TMEM81: variants seen among roughly 807,000 people sequenced by gnomAD.
TMEM81 encodes transmembrane protein 81.
For missense variants in TMEM81, 294 were observed against 300.5 expected (o/e 0.98, Z 0.16); for synonymous variants, 132 against 119.1 (o/e 1.11, Z -0.71).
rs371554541 is a variant in TMEM81 at position 205,083,926 on chromosome 1, T to C, written c.395A>G (p.Asp132Gly). 1.2e-6 allele frequency: 2 copies of C among 1,614,104 alleles called. No individual in the cohort carries two copies. The highest frequency in any genetic ancestry group is 2.7e-5 in the African/African-American group (2 of 74,910). The change falls in exon 1 of 1, where the codon GAT becomes GGT. Residue 132 changes from aspartate to glycine, a missense_variant. By Grantham distance (94) the Asp-to-Gly change is moderately conservative (BLOSUM62 -1). Coordinates refer to ENST00000367167, the MANE Select transcript of TMEM81 (RefSeq NM_203376.2). ...RLARGVISTDDEVFKPFQANS... is the reference protein window; with the variant it reads ...RLARGVISTDGEVFKPFQANS... ...GGCTTGAAAGGGTTTGAAGACCTCA[T>C]CGTCAGTGGAGATGACACCTCGAGC...
Position 205,084,084 on chromosome 1 carries a change from T to G in TMEM81, c.237A>C (p.Leu79Phe). The G allele has an allele frequency of 6.2e-7, 1 of 1,614,240 alleles. No homozygotes were observed. The highest frequency in any genetic ancestry group is 8.5e-7 in the Non-Finnish European group (1 of 1,180,038). The stretch of plus-strand genomic sequence containing the variant: ...CACAGATCCAGTTGGTCAGACATTC[T>G]AAGCGCCGAGTCTGACATTTCCTTC... ...GVRRKCQTRR[L>F]ECLTNWICGM... The change falls in exon 1 of 1, where the codon TTA becomes TTC. Residue 79 changes from leucine to phenylalanine, a missense_variant. Leu to Phe is a conservative substitution (Grantham distance 22). Transcript: ENST00000367167.
rs143504103 is a variant in TMEM81 at position 205,084,115 on chromosome 1, C to G, written c.206G>C (p.Gly69Ala). Reference protein sequence around the residue: ...EETVCEVGPDGVRRKCQTRRL... With the variant: ...EETVCEVGPDAVRRKCQTRRL... ...CCGAGTCTGACATTTCCTTCTCACT[C>G]CATCAGGGCCCACCTCACAGACGGT... The change falls in exon 1 of 1, where the codon GGA (glycine) becomes GCA (alanine). Residue 69 changes from glycine (G) to alanine (A), a missense_variant. Transcript: ENST00000367167. 8.7e-6 allele frequency: 14 copies of G among 1,614,072 alleles called. No individual in the cohort carries two copies. Among genetic ancestry groups the G allele is most frequent in the Non-Finnish European group, 1.2e-5 (14 of 1,180,050 alleles).
chr1:205,083,645 A>G lies in TMEM81; in HGVS notation c.676T>C (p.Ser226Pro). The change falls in exon 1 of 1, where the codon TCA becomes CCA. Residue 226 changes from serine (S) to proline (P), a missense_variant. Transcript: ENST00000367167. ...ATGGCAATTCCTATTCCCAAGGCTG[A>G]CGCCACCTTCTTTTTCCACTTTGGG... is the stretch of plus-strand genomic sequence containing the variant. ...HHPKWKKKVA[S>P]ALGIGIAIGV... 1.2e-6 allele frequency: 2 copies of G among 1,614,212 alleles called. No homozygotes were observed. Among genetic ancestry groups the G allele is most frequent in the East Asian group, 2.2e-5 (1 of 44,876 alleles).
Position 205,083,761 on chromosome 1 carries a change from T to A in TMEM81, c.560A>T (p.Asn187Ile). ...GLRVLPPNLV[N>I]LNFHQSLTED... The stretch of plus-strand genomic sequence containing the variant: ...AGTAAGTGACTGATGGAAATTCAGA[T>A]TCACCAAGTTAGGAGGAAGGACCCT... Residue 187 changes from asparagine (N) to isoleucine (I), a missense_variant, in exon 1 of 1, where the codon AAT becomes ATT. Transcript: ENST00000367167. 6.2e-7 allele frequency: 1 copy of A among 1,614,154 alleles called. No individual in the cohort carries two copies.
In TMEM81 at chr1:205,083,402, C is replaced by T; in HGVS notation, c.*151G>A. On this transcript the variant is annotated 3_prime_UTR_variant, in exon 1 of 1. Transcript: ENST00000367167. ...TGCGCATAGCTCCCAGGAGATTGTC[C>T]CCTCCATTTCTCCCACTCATTCTTT... 1 of 822,130 alleles carries T rather than the reference C, an allele frequency of 1.2e-6. No individual in the cohort carries two copies. Among genetic ancestry groups the T allele is most frequent in the Non-Finnish European group, 1.9e-6 (1 of 539,242 alleles). 50.9% of individuals were successfully genotyped at this position (822,130 alleles called of 1,614,324 possible).
At position 205,083,243 on chromosome 1, in the gene TMEM81, A is replaced by C. The variant is rs1655054952; in HGVS notation, c.*310T>G. On this transcript the variant is annotated 3_prime_UTR_variant, in exon 1 of 1. Transcript: ENST00000367167. ...ATGGAGGTGGGGAGGCATCCAAGTC[A>C]TAAAGGGTAGAAAATGAATGCAAGC... The C allele has an allele frequency of 3.0e-6, 1 of 329,636 alleles. No individual in the cohort carries two copies. The highest frequency in any genetic ancestry group is 4.5e-5 in the Admixed American group (1 of 22,380). The allele number at this position is 329,636 out of a possible 1,614,324, so 20.4% of individuals were successfully genotyped here.
chr1:205,083,415 C>T lies in TMEM81; in HGVS notation c.*138G>A. 2.1e-6 allele frequency: 2 copies of T among 945,200 alleles called. No individual in the cohort carries two copies. The highest frequency in any genetic ancestry group is 3.1e-6 in the Non-Finnish European group (2 of 644,594). 58.6% of individuals were successfully genotyped at this position (945,200 alleles called of 1,614,324 possible). A position where few individuals can be genotyped will look rare whatever the true frequency, so the allele number is the denominator to read the frequency against. On this transcript the variant is annotated 3_prime_UTR_variant, in exon 1 of 1. Transcript: ENST00000367167. ...CAGGAGATTGTCCCCTCCATTTCTC[C>T]CACTCATTCTTTTGGCTGTGGGAGT... is the stretch of plus-strand genomic sequence containing the variant.
In TMEM81 at chr1:205,083,433, G is replaced by T; in HGVS notation, c.*120C>A. The stretch of plus-strand genomic sequence containing the variant: ...ATTTCTCCCACTCATTCTTTTGGCT[G>T]TGGGAGTGTTCCCTCTAAGCTGATC... On this transcript the variant is annotated 3_prime_UTR_variant, in exon 1 of 1. Transcript: ENST00000367167. 8.8e-7 allele frequency: 1 copy of T among 1,134,598 alleles called. No individual in the cohort carries two copies. Among genetic ancestry groups the T allele is most frequent in the Non-Finnish European group, 1.2e-6 (1 of 807,070 alleles). The allele number at this position is 1,134,598 out of a possible 1,614,324, so 70.3% of individuals were successfully genotyped here.
Position 205,083,922 on chromosome 1 carries a change from C to G in TMEM81, c.399G>C (p.Glu133Asp), listed in dbSNP as rs1655068244. The change falls in exon 1 of 1, where the codon GAG (glutamate) becomes GAC (aspartate). Residue 133 changes from glutamate (E) to aspartate (D), a missense_variant. Glu to Asp is a conservative substitution (Grantham distance 45). Transcript: ENST00000367167. ...LARGVISTDD[E>D]VFKPFQANSH... ...AGTTGGCTTGAAAGGGTTTGAAGAC[C>G]TCATCGTCAGTGGAGATGACACCTC... 4.3e-6 allele frequency: 7 copies of G among 1,614,190 alleles called. No homozygotes were observed. Among genetic ancestry groups the G allele is most frequent in the Non-Finnish European group, 5.9e-6 (7 of 1,180,042 alleles).
Position 205,083,606 on chromosome 1 carries a change from CACCA to C in TMEM81, c.711_714del (p.Gly238AlafsTer4), listed in dbSNP as rs752896841. 1 of 1,614,132 alleles carries C rather than the reference CACCA, an allele frequency of 6.2e-7. No individual in the cohort carries two copies. Among genetic ancestry groups the C allele is most frequent in the Non-Finnish European group, 8.5e-7 (1 of 1,179,996 alleles). ...CAGAGGACAATCCTCACCAACACGCCACCAACCACTCCAATGGCAATTCCTATTC... is the reference window on the plus strand; with the variant it reads ...CAGAGGACAATCCTCACCAACACGCCACCACTCCAATGGCAATTCCTATTC... On this transcript the variant is annotated frameshift_variant, in exon 1 of 1. Coordinates refer to ENST00000367167, the MANE Select transcript of TMEM81 (RefSeq NM_203376.2). LOFTEE classifies it low-confidence loss of function (END_TRUNC).
Position 205,083,774 on chromosome 1 carries a change from G to A in TMEM81, c.547C>T (p.Pro183Ser), listed in dbSNP as rs1422904664. The change falls in exon 1 of 1, where the codon CCT becomes TCT. Residue 183 changes from proline (P) to serine (S), a missense_variant. Coordinates refer to ENST00000367167, the MANE Select transcript of TMEM81 (RefSeq NM_203376.2). ...RLYFGLRVLP[P>S]NLVNLNFHQS... is the part of the protein sequence containing the mutation. ...TGGAAATTCAGATTCACCAAGTTAG[G>A]AGGAAGGACCCTCAACCCAAAATAG... 3 of 1,614,072 alleles carry A rather than the reference G, an allele frequency of 1.9e-6. No homozygotes were observed. Among genetic ancestry groups the A allele is most frequent in the Non-Finnish European group, 1.7e-6 (2 of 1,180,036 alleles).
At position 205,084,187 on chromosome 1, in the gene TMEM81, TTGA is replaced by T. The variant is rs1558564933; in HGVS notation, c.131_133del (p.Ile44del). 13 of 1,614,088 alleles carry T rather than the reference TTGA, an allele frequency of 8.1e-6. No homozygotes were observed. Among genetic ancestry groups the T allele is most frequent in the African/African-American group, 2.7e-5 (2 of 74,928 alleles). On this transcript the variant is annotated inframe_deletion, in exon 1 of 1. Coordinates refer to ENST00000367167, the MANE Select transcript of TMEM81 (RefSeq NM_203376.2). Reference sequence around the variant, plus strand: ...ACAGGTGACAGTACAGGTTGTGGCATTGATGATAACTTTCCCCACAGCTTCTTG... The same window carrying T: ...ACAGGTGACAGTACAGGTTGTGGCATTGATAACTTTCCCCACAGCTTCTTG...
At position 205,083,557 on chromosome 1, in the gene TMEM81, T is replaced by C. The variant is rs139243766; in HGVS notation, c.764A>G (p.Gln255Arg). ...GCTGTTAAGTTCTTGAAGCTGTCAC[T>C]GCTGCAGGCCCCCCCTTAGCGCACA... is the stretch of plus-strand genomic sequence containing the variant. ...VLCALRGGLQ[Q>R] Residue 255 changes from glutamine to arginine, a missense_variant, in exon 1 of 1, where the codon CAG becomes CGG. Coordinates refer to ENST00000367167, the MANE Select transcript of TMEM81 (RefSeq NM_203376.2). 289 of 1,599,306 alleles carry C rather than the reference T, an allele frequency of 1.8e-4. 1 individual carries two copies. In the African/African-American group the frequency reaches 3.4e-3, roughly 19 times the overall value.
In TMEM81 at chr1:205,083,971, A is replaced by G. The variant is rs772539097; in HGVS notation, c.350T>C (p.Phe117Ser). The G allele has an allele frequency of 1.9e-6, 3 of 1,614,202 alleles. No homozygotes were observed. Among genetic ancestry groups the G allele is most frequent in the South Asian group, 2.2e-5 (2 of 91,080 alleles). Residue 117 changes from phenylalanine to serine, a missense_variant, in exon 1 of 1, where the codon TTC becomes TCC. By Grantham distance (155) the Phe-to-Ser change is radical (BLOSUM62 -2). Transcript: ENST00000367167. ...TCGAGCAAGTCTCCAGGTGAACCGGAAAGCTTCCTGTCCAAACTCCAAGAT... is the reference window on the plus strand; with the variant it reads ...TCGAGCAAGTCTCCAGGTGAACCGGGAAGCTTCCTGTCCAAACTCCAAGAT... ...SDILEFGQEA[F>S]RFTWRLARGV...
In TMEM81 at chr1:205,083,301, G is replaced by A. The variant is rs924720586; in HGVS notation, c.*252C>T. Reference sequence around the variant, plus strand: ...AACTCTTCCCAGGAACACAGGCAATGCTTGCAGTTTCCTGGGTACCCAATG... The same window carrying A: ...AACTCTTCCCAGGAACACAGGCAATACTTGCAGTTTCCTGGGTACCCAATG... On this transcript the variant is annotated 3_prime_UTR_variant, in exon 1 of 1. Transcript: ENST00000367167. 9 of 466,880 alleles carry A rather than the reference G, an allele frequency of 1.9e-5. No homozygotes were observed. Among genetic ancestry groups the A allele is most frequent in the African/African-American group, 1.2e-4 (6 of 51,218 alleles). The allele number at this position is 466,880 out of a possible 1,614,324, so 28.9% of individuals were successfully genotyped here.
At position 205,083,855 on chromosome 1, in the gene TMEM81, CAG is replaced by C. The variant is rs1655066441; in HGVS notation, c.464_465del (p.Ser155TrpfsTer6). 6.2e-7 allele frequency: 1 copy of C among 1,614,202 alleles called. No individual in the cohort carries two copies. The highest frequency in any genetic ancestry group is 8.5e-7 in the Non-Finnish European group (1 of 1,180,044). On this transcript the variant is annotated frameshift_variant, in exon 1 of 1. Transcript: ENST00000367167. LOFTEE classifies it low-confidence loss of function (END_TRUNC). The stretch of plus-strand genomic sequence containing the variant: ...AGCTGCACATCACAGCGATATGTCC[CAG>C]AGTCATACTCCTGAGCATATTTAAA... ...VKFKYAQEYD[S>X]GTYRCDVQLV...
chr1:205,083,646 C>T lies in TMEM81; in HGVS notation c.675G>A (p.Ala225=), dbSNP rs374746495. 14 of 1,614,104 alleles carry T rather than the reference C, an allele frequency of 8.7e-6. No individual in the cohort carries two copies. Among genetic ancestry groups the T allele is most frequent in the African/African-American group, 1.3e-5 (1 of 74,934 alleles). The change falls in exon 1 of 1, where the codon GCG becomes GCA. Residue 225 remains alanine, a synonymous_variant. Transcript: ENST00000367167. ...TGGCAATTCCTATTCCCAAGGCTGA[C>T]GCCACCTTCTTTTTCCACTTTGGGT... ...PHHPKWKKKV[A]SALGIGIAIG... is the part of the protein sequence containing the mutation.
Position 205,083,501 on chromosome 1 carries a change from C to A in TMEM81, c.*52G>T, listed in dbSNP as rs940279710. Reference sequence around the variant, plus strand: ...ACACTCCCCTAAAAAGCTAGCTTGGCTTCCTGGGCAGCCAGTTCTTCAGGA... The same window carrying A: ...ACACTCCCCTAAAAAGCTAGCTTGGATTCCTGGGCAGCCAGTTCTTCAGGA... On this transcript the variant is annotated 3_prime_UTR_variant, in exon 1 of 1. Transcript: ENST00000367167. 2.6e-6 allele frequency: 4 copies of A among 1,541,754 alleles called. No individual in the cohort carries two copies. Among genetic ancestry groups the A allele is most frequent in the Non-Finnish European group, 3.5e-6 (4 of 1,145,054 alleles).
In TMEM81 at chr1:205,083,950, G is replaced by GC; in HGVS notation, c.370dup (p.Ala124GlyfsTer8). ...ATCGTCAGTGGAGATGACACCTCGAGCAAGTCTCCAGGTGAACCGGAAAGC... is the reference window on the plus strand; with the variant it reads ...ATCGTCAGTGGAGATGACACCTCGAGCCAAGTCTCCAGGTGAACCGGAAAGC... On this transcript the variant is annotated frameshift_variant, in exon 1 of 1. Coordinates refer to ENST00000367167, the MANE Select transcript of TMEM81 (RefSeq NM_203376.2). LOFTEE classifies it low-confidence loss of function (END_TRUNC). 1 of 1,614,180 alleles carries GC rather than the reference G, an allele frequency of 6.2e-7. No homozygotes were observed. The highest frequency in any genetic ancestry group is 1.7e-5 in the Admixed American group (1 of 60,004).
Sources: gnomAD v4.1 joint callset for allele counts on GRCh38, gnomAD v4.1.1 for gene constraint, MANE v1.5 for transcripts, NCBI Gene and HGNC (gene_info 2026-07-23, HGNC 2026-07-21) for gene names.